Variants in NSD1 observed in about 807,000 individuals in gnomAD.
NSD1 encodes histone-lysine N-methyltransferase, H3 lysine-36 specific.
A neutral mutation model predicts 242.7 loss-of-function variants in NSD1; 26 were observed. That is an observed-to-expected ratio of 0.11 (90% CI 0.08 to 0.15). The LOEUF (loss-of-function observed/expected upper bound fraction) is 0.15. Ranked by LOEUF, NSD1 falls within the 10% of genes least tolerant of loss-of-function variation. The probability of loss-of-function intolerance (pLI) is 1.00; values close to 1 mark genes in which losing one functional copy is unlikely to be tolerated. For missense variants in NSD1, 2,495 were observed against 3,272.8 expected, an observed-to-expected ratio of 0.76 and a Z score of 5.80; for synonymous variants, 1,106 against 1,178.1, an observed-to-expected ratio of 0.94 and a Z score of 1.25.
At chr5:177,287,593 A>G (rs1439402383) in intron 20 of NSD1, among the ~76,000 whole-genome samples, 1 of 152,184 alleles carries the variant, frequency 6.6e-6, no homozygotes, top group Non-Finnish European at 1.5e-5. Context: ...CCGGGATCTC[A>G]CCACCTTACT....
chr5:177,185,797 A>ATATT lies in NSD1; in HGVS notation c.928-6084_928-6083insTTAT, dbSNP rs1395211195. Among the ~76,000 whole-genome samples, 316 of 91,056 alleles carry ATATT rather than the reference A, an allele frequency of 3.5e-3. 5 individuals carry two copies. Among genetic ancestry groups the ATATT allele is most frequent in the Non-Finnish European group, 4.6e-3 (236 of 51,496 alleles). 59.7% of individuals were successfully genotyped at this position (91,056 alleles called of 152,430 possible). A position where few individuals can be genotyped will look rare whatever the true frequency, so the allele number is the denominator to read the frequency against. ...TATATTATATATGTATATTATATAT[A>ATATT]TATATATATAAATTTATATATATAA... On this transcript the variant is annotated intron_variant, in intron 2 of 22. Coordinates refer to ENST00000439151, the MANE Select transcript of NSD1 (RefSeq NM_022455.5).
chr5:177,211,306 A>G lies in NSD1; in HGVS notation c.2907A>G (p.Gly969=). Residue 969 remains glycine, a synonymous_variant, in exon 5 of 23, where the codon GGA becomes GGG. Transcript: ENST00000439151. Reference sequence around the variant, plus strand: ...CCACACACAATTCAGAGAAAAAGGGAGATGGCACTCAGAACTCCGCCAATC... The same window carrying G: ...CCACACACAATTCAGAGAAAAAGGGGGATGGCACTCAGAACTCCGCCAATC... The part of the protein sequence containing the change: ...GGSTHNSEKK[G]DGTQNSANPS... 1 of 1,614,102 alleles carries G rather than the reference A, an allele frequency of 6.2e-7. No individual in the cohort carries two copies. Among genetic ancestry groups the G allele is most frequent in the Non-Finnish European group, 8.5e-7 (1 of 1,180,018 alleles).
chr5:177,237,531 C>CT (rs35657331), intron 6 of NSD1, among the ~76,000 whole-genome samples: 4,628 of 123,100 alleles, frequency 0.038, 272 homozygotes, highest in African/African-American at 0.097. Context: ...ATTATTTTAT[C>CT]TTTTTTTTTT....
chr5:177,201,210 GT>G (rs951381649), intron 3 of NSD1, among the ~76,000 whole-genome samples: 15 of 151,660 alleles, frequency 9.9e-5, no homozygotes, highest in African/African-American at 3.6e-4. Flanking sequence ...CTTTTTTGTT[GT>G]TTTTTATTTG....
chr5:177,296,976 C>G lies in NSD1; in HGVS notation c.*1517C>G, dbSNP rs542637302. On this transcript the variant is annotated 3_prime_UTR_variant, in exon 23 of 23. Transcript: ENST00000439151. ...CTCTTAGTTATGGCTTTCACGCTCT[C>G]AATAGGATTCTGTATTTGGTCCCAA... 4.3e-6 allele frequency: 1 copy of G among 233,240 alleles called. No homozygotes were observed. The highest frequency in any genetic ancestry group is 8.5e-6 in the Non-Finnish European group (1 of 118,072). 14.4% of individuals were successfully genotyped at this position (233,240 alleles called of 1,614,324 possible).
rs990663788 is a variant in NSD1, at chr5:177,168,380, CTG to C, written c.928-23498_928-23497del. 4.7e-5 allele frequency among the ~76,000 whole-genome samples: 7 copies of C among 149,972 alleles called. No individual in the cohort carries two copies. The South Asian group carries it at 1.3e-3, about 27-fold the overall frequency. On this transcript the variant is annotated intron_variant, in intron 2 of 22. Coordinates refer to ENST00000439151, the MANE Select transcript of NSD1 (RefSeq NM_022455.5). ...CTGTTGTAATTTGAGAAGCATCTAT[CTG>C]TGTGTCTTTCTTTTGGATCCTGTTA...
chr5:177,222,143 T>C (rs2149866053), intron 5 of NSD1, among the ~76,000 whole-genome samples: 1 of 152,116 alleles, frequency 6.6e-6, no homozygotes, highest in East Asian at 1.9e-4. Context: ...TATTATTACT[T>C]TTTGAGATGT....
At chr5:177,285,870 T>C (rs1327994264) in intron 20 of NSD1, among the ~76,000 whole-genome samples, 1 of 152,148 alleles carries the variant, frequency 6.6e-6, no homozygotes, top group African/African-American at 2.4e-5. Context: ...TTTGTTCAGA[T>C]CTTAGTCTGT....
intron 11 of NSD1, 23 bp downstream of exon 11, chr5:177,248,347 G>T: frequency 1.2e-6 from 2 of 1,610,650 alleles, no homozygotes; most frequent in Non-Finnish European, 1.7e-6. Flanking sequence ...TTGCCCACTT[G>T]TGTTTTCATT....
At chr5:177,186,111 T>A (rs1009098068) in intron 2 of NSD1, among the ~76,000 whole-genome samples, 1 of 123,278 alleles carries the variant, frequency 8.1e-6, no homozygotes, top group Non-Finnish European at 1.6e-5. Context: ...TTATATTATA[T>A]GTATATTTAT....
At chr5:177,136,258 G>C in intron 2 of NSD1, 1 of 470,840 alleles carries the variant, frequency 2.1e-6, no homozygotes, top group Non-Finnish European at 3.8e-6. Flanking sequence ...ATTGAGAGTA[G>C]GCTAATGCTT....
intron 5 of NSD1, among the ~76,000 whole-genome samples, chr5:177,227,207 A>C (rs2149873037): frequency 6.6e-6 from 1 of 152,256 alleles, no homozygotes; most frequent in African/African-American, 2.4e-5. Context: ...GGTTTTGTAG[A>C]TGTTTGCAAT....
chr5:177,202,028 C>T (rs913690803), intron 3 of NSD1, among the ~76,000 whole-genome samples: 8 of 151,880 alleles, frequency 5.3e-5, no homozygotes, highest in African/African-American at 1.9e-4. Flanking sequence ...ATTAGTTGGG[C>T]GTGGTGGCGC....
At chr5:177,221,465 CT>C (rs202244993) in intron 5 of NSD1, among the ~76,000 whole-genome samples, 2,767 of 151,846 alleles carry the variant, frequency 0.018, 33 homozygotes, top group Non-Finnish European at 0.028. Flanking sequence ...ATATAAAACT[CT>C]TTTTTTCCCC....
At chr5:177,156,555 C>T (rs1005900654) in intron 2 of NSD1, among the ~76,000 whole-genome samples, 9 of 152,102 alleles carry the variant, frequency 5.9e-5, no homozygotes, top group African/African-American at 2.2e-4. Flanking sequence ...TGGCTCATGG[C>T]CTCTAGTCCC....
At chr5:177,220,385 A>G (rs1317457279) in intron 5 of NSD1, among the ~76,000 whole-genome samples, 1 of 152,084 alleles carries the variant, frequency 6.6e-6, no homozygotes, top group Non-Finnish European at 1.5e-5. Flanking sequence ...TACCACTGGC[A>G]TAGAATATCT....
rs769301382 is a variant in NSD1, at chr5:177,295,177, C to G, written c.7809C>G (p.Leu2603=). Residue 2603 remains leucine (L), a synonymous_variant, in exon 23 of 23, where the codon CTC becomes CTG. Coordinates refer to ENST00000439151, the MANE Select transcript of NSD1 (RefSeq NM_022455.5). This position sits in a 1 kb window ranked among gnomAD's most constrained non-coding sequence, Gnocchi z 4.3. ...AAKSGQSFRS[L]GKAPASLPTE... is the part of the protein sequence containing the mutation. Reference sequence around the variant, plus strand: ...AGAGTGGGCAATCTTTTAGGTCTCTCGGGAAGGCCCCAGCCTCCCTCCCCA... The same window carrying G: ...AGAGTGGGCAATCTTTTAGGTCTCTGGGGAAGGCCCCAGCCTCCCTCCCCA... 5.6e-6 allele frequency: 9 copies of G among 1,614,068 alleles called. No individual in the cohort carries two copies. The highest frequency in any genetic ancestry group is 7.6e-6 in the Non-Finnish European group (9 of 1,180,044).
intron 3 of NSD1, among the ~76,000 whole-genome samples, chr5:177,197,511 A>C (rs1215816943): frequency 6.6e-6 from 1 of 152,184 alleles, no homozygotes. Flanking sequence ...AGTCCCAGCT[A>C]CTTGGCAGGC....
At chr5:177,213,343 G>A (rs888213751) in intron 5 of NSD1, among the ~76,000 whole-genome samples, 12 of 152,080 alleles carry the variant, frequency 7.9e-5, no homozygotes, top group South Asian at 2.1e-4. Flanking sequence ...AGCTTTTAAC[G>A]TTTTTAATTG....
Sources: allele counts gnomAD v4.1 joint callset (sites outside exome capture counted in the v4.1 genomes callset), GRCh38; gene constraint gnomAD v4.1.1; non-coding constraint Gnocchi (gnomAD v3.1); transcripts MANE v1.5; gene names NCBI Gene and HGNC (gene_info 2026-07-23, HGNC 2026-07-21).